Variants in CMTM8 observed in about 807,000 individuals in gnomAD.
CMTM8 encodes CKLF-like MARVEL transmembrane domain-containing protein 8.
Under a neutral mutation model 18.6 loss-of-function variants are expected in CMTM8, and 12 were observed. The observed-to-expected ratio is 0.65, with a 90% CI of 0.41 to 1.05. The LOEUF is 1.05. Ranked by LOEUF, CMTM8 falls within the 50% of genes least tolerant of loss-of-function variation. The pLI, the probability that CMTM8 is intolerant of heterozygous loss-of-function variation, is 0.00. For missense variants in CMTM8, 217 were observed against 227.2 expected (o/e 0.95, Z 0.29); for synonymous variants, 87 against 90.6 (o/e 0.96, Z 0.23).
intron 1 of CMTM8, among the ~76,000 whole-genome samples, chr3:32,269,747 G>A (rs1349096207): frequency 6.6e-6 from 1 of 152,164 alleles, no homozygotes; most frequent in African/African-American, 2.4e-5. Flanking sequence ...ACTTTTTTGT[G>A]TAAAATATCA....
rs150343414 is a variant in CMTM8 at position 32,257,347 on chromosome 3, A to G, written c.147+18228A>G. 3.3e-3 allele frequency among the ~76,000 whole-genome samples: 495 copies of G among 152,304 alleles called. 2 individuals are homozygous for G. The highest frequency in any genetic ancestry group is 0.011 in the African/African-American group (457 of 41,574). On this transcript the variant is annotated intron_variant, in intron 1 of 3. Coordinates refer to ENST00000307526, the MANE Select transcript of CMTM8 (RefSeq NM_178868.5). ...AGTACTATACAAATCTAGCTTCGGC[A>G]TAGGGAGATTTCTCTTATTTTCTGC... is the stretch of plus-strand genomic sequence containing the variant.
chr3:32,281,213 C>A (rs865998690), intron 1 of CMTM8, among the ~76,000 whole-genome samples: 1 of 152,198 alleles, frequency 6.6e-6, no homozygotes, highest in Non-Finnish European at 1.5e-5. Flanking sequence ...TTCCCTGGCA[C>A]CTCTCTAGTG....
At chr3:32,365,966 A>G (rs1264350312) in intron 2 of CMTM8, among the ~76,000 whole-genome samples, 2 of 152,028 alleles carry the variant, frequency 1.3e-5, no homozygotes, top group Non-Finnish European at 2.9e-5. Flanking sequence ...TGTAGCCCAG[A>G]TTTCTTTTTT....
At chr3:32,359,380 A>G (rs1696877127) in intron 2 of CMTM8, among the ~76,000 whole-genome samples, 1 of 152,170 alleles carries the variant, frequency 6.6e-6, no homozygotes, top group Non-Finnish European at 1.5e-5. Context: ...ACCAGAGGTC[A>G]GGGGTTTGAG....
chr3:32,353,736 T>G (rs577505082), intron 1 of CMTM8, among the ~76,000 whole-genome samples: 269 of 152,000 alleles, frequency 1.8e-3, no homozygotes, highest in Non-Finnish European at 3.1e-3. Context: ...TTTTTATAAC[T>G]GGCGGATAGG....
intron 1 of CMTM8, among the ~76,000 whole-genome samples, chr3:32,290,585 C>A (rs1315386366): frequency 3.3e-5 from 5 of 152,242 alleles, no homozygotes; most frequent in Non-Finnish European, 7.3e-5. Context: ...CCTGATCCAA[C>A]CTGCTGCTGT....
At chr3:32,247,457 C>T (rs1035954882) in intron 1 of CMTM8, among the ~76,000 whole-genome samples, 1 of 152,080 alleles carries the variant, frequency 6.6e-6, no homozygotes, top group African/African-American at 2.4e-5. Context: ...GGATTACAGG[C>T]GTGCGCCACC....
In CMTM8 at chr3:32,239,795, G is replaced by C. The variant is rs142543897; in HGVS notation, c.147+676G>C. ...AGCCAGTCCTTCATAGCTGAGAAAG[G>C]ACTGGAGTCCTGTCAGCAGTTAGAG... On this transcript the variant is annotated intron_variant, in intron 1 of 3. Transcript: ENST00000307526. Among the ~76,000 whole-genome samples the C allele has an allele frequency of 3.0e-3, 451 of 152,298 alleles. 5 individuals carry two copies. The highest frequency in any genetic ancestry group is 0.01 in the African/African-American group (421 of 41,564).
intron 1 of CMTM8, among the ~76,000 whole-genome samples, chr3:32,300,829 A>G (rs1213069703): frequency 1.3e-5 from 2 of 151,996 alleles, no homozygotes; most frequent in Non-Finnish European, 2.9e-5. Context: ...GCGTGGTGGC[A>G]CATGCCTGTA....
At position 32,358,588 on chromosome 3, in the gene CMTM8, AT is replaced by A. The variant is rs1696862565; in HGVS notation, c.321+1044del. On this transcript the variant is annotated intron_variant, in intron 2 of 3. Coordinates refer to ENST00000307526, the MANE Select transcript of CMTM8 (RefSeq NM_178868.5). This position sits in a 1 kb window ranked among gnomAD's most constrained non-coding sequence, Gnocchi z 4.1. ...TGGCACACTTTCAGACAACACTATC[AT>A]TGTTCAAAACGCACCTGGCTTTGTT... 6.6e-6 allele frequency among the ~76,000 whole-genome samples: 1 copy of A among 152,216 alleles called. No individual in the cohort carries two copies. The highest frequency in any genetic ancestry group is 6.5e-5 in the Admixed American group (1 of 15,280).
chr3:32,258,741 G>A (rs1702209280), intron 1 of CMTM8, among the ~76,000 whole-genome samples: 1 of 152,044 alleles, frequency 6.6e-6, no homozygotes, highest in African/African-American at 2.4e-5. Flanking sequence ...AAACTTCCGG[G>A]CTCAAGCAAT....
chr3:32,338,635 G>A (rs1406992777), intron 1 of CMTM8, among the ~76,000 whole-genome samples: 1 of 152,128 alleles, frequency 6.6e-6, no homozygotes, highest in African/African-American at 2.4e-5. Flanking sequence ...GACAAACCCA[G>A]GTCTCCCAGG....
intron 1 of CMTM8, among the ~76,000 whole-genome samples, chr3:32,313,598 C>A (rs1348698159): frequency 6.6e-6 from 1 of 152,156 alleles, no homozygotes; most frequent in African/African-American, 2.4e-5. Context: ...AGCCACCAGG[C>A]CTGGCCCAGC....
At chr3:32,368,088 G>A in intron 3 of CMTM8, 100 bp downstream of exon 3, 1 of 814,058 alleles carries the variant, frequency 1.2e-6, no homozygotes, top group Non-Finnish European at 2.1e-6. Context: ...AGCAGCGCTT[G>A]CAGTAGTGAC....
chr3:32,292,504 T>C (rs189396098), intron 1 of CMTM8, among the ~76,000 whole-genome samples: 2 of 152,308 alleles, frequency 1.3e-5, no homozygotes. Flanking sequence ...GGTTCAAAAG[T>C]ATGAAAAGCT....
Position 32,367,985 on chromosome 3 carries a change from A to G in CMTM8, c.435A>G (p.Ser145=). 7 of 1,596,746 alleles carry G rather than the reference A, an allele frequency of 4.4e-6. No homozygotes were observed. The highest frequency in any genetic ancestry group is 6.0e-6 in the Non-Finnish European group (7 of 1,164,152). Residue 145 remains serine (S), a synonymous_variant, in exon 3 of 4, where the codon TCA becomes TCG. Coordinates refer to ENST00000307526, the MANE Select transcript of CMTM8 (RefSeq NM_178868.5). The stretch of plus-strand genomic sequence containing the variant: ...ACAACTTCAACAGCTGGGCGGCCTC[A>G]TCGGTGAGTAGCCCTCCATCCCCAC... The part of the protein sequence containing the change: ...DSHNFNSWAA[S]SFFAFLVTIC...
intron 1 of CMTM8, among the ~76,000 whole-genome samples, chr3:32,323,638 G>T (rs1696102187): frequency 6.6e-6 from 1 of 152,122 alleles, no homozygotes; most frequent in African/African-American, 2.4e-5. Flanking sequence ...TCCTGCTCAG[G>T]TTCACACAGA....
At chr3:32,302,876 T>G (rs1441410001) in intron 1 of CMTM8, among the ~76,000 whole-genome samples, 1 of 152,220 alleles carries the variant, frequency 6.6e-6, no homozygotes, top group African/African-American at 2.4e-5. Context: ...AGAGATTGGC[T>G]GAATTTGAAC....
chr3:32,318,279 A>G (rs1043026800), intron 1 of CMTM8, among the ~76,000 whole-genome samples: 4 of 151,996 alleles, frequency 2.6e-5, no homozygotes, highest in South Asian at 4.2e-4. Flanking sequence ...GGACAAAGAG[A>G]TTTCTCCCTG....
Sources: allele counts gnomAD v4.1 joint callset (sites outside exome capture counted in the v4.1 genomes callset), GRCh38; gene constraint gnomAD v4.1.1; non-coding constraint Gnocchi (gnomAD v3.1); transcripts MANE v1.5; gene names NCBI Gene and HGNC (gene_info 2026-07-23, HGNC 2026-07-21).